The following FRMPD4 variants were observed in gnomAD, a reference collection of about 807,000 sequenced individuals.
FRMPD4 encodes FERM and PDZ domain containing 4, also known as FERM and PDZ domain-containing protein 4.
In FRMPD4, 22 loss-of-function variants were observed where a neutral mutation model predicts 94.1. The ratio of observed to expected loss-of-function variants is 0.23; its 90% CI spans 0.17 to 0.33. The LOEUF (loss-of-function observed/expected upper bound fraction) is 0.33, where lower values mean the gene tolerates loss of function less well. Among genes scored for constraint, FRMPD4 ranks in the 10% least tolerant of loss-of-function variants. The pLI, the probability that FRMPD4 is intolerant of heterozygous loss-of-function variation, is 1.00. For missense variants in FRMPD4, 1,111 were observed against 1,339.9 expected (o/e 0.83, Z 2.67); for synonymous variants, 631 against 548.6 (o/e 1.15, Z -2.10).
intron 1 of FRMPD4, among the ~76,000 whole-genome samples, chrX:11,827,077 TATATATATAA>T (rs1273535784): frequency 3.0e-5 from 3 of 98,885 alleles, no homozygotes; most frequent in African/African-American, 3.8e-5. Context: ...TATATATATA[TATATATATAA>T]AATATATATG....
chrX:11,877,222 A>G (rs1475147157), intron 2 of FRMPD4, among the ~76,000 whole-genome samples: 1 of 112,122 alleles, frequency 8.9e-6, no homozygotes, highest in African/African-American at 3.2e-5. Flanking sequence ...ACTTTCAAAT[A>G]GCTTTAAGGT....
Position 12,140,694 on chromosome X carries a change from AG to A in FRMPD4, c.41+1684del, listed in dbSNP as rs779733272. On this transcript the variant is annotated intron_variant, in intron 1 of 16. Transcript: ENST00000675598. ...GAGCCTCGATTTAGTCCTTAAACTT[AG>A]GAACTTTGGAGAGGACAGTGTCATG... 3.6e-5 allele frequency among the ~76,000 whole-genome samples: 4 copies of A among 112,670 alleles called. No homozygotes were observed. The East Asian group carries it at 1.1e-3, about 31-fold the overall frequency.
intron 1 of FRMPD4, among the ~76,000 whole-genome samples, chrX:11,845,814 T>C (rs1297985429): frequency 1.8e-5 from 2 of 108,624 alleles, no homozygotes; most frequent in Non-Finnish European, 3.8e-5. Flanking sequence ...AAAAGGCCTT[T>C]GACAAAATTC....
At chrX:11,839,539 T>C (rs2053521416) in intron 1 of FRMPD4, among the ~76,000 whole-genome samples, 1 of 111,618 alleles carries the variant, frequency 9.0e-6, no homozygotes, top group Admixed American at 9.6e-5. Context: ...TTCTTTTCTG[T>C]GGTTTGTGTT....
At chrX:12,417,733 G>C (rs2056824170) in intron 1 of FRMPD4, among the ~76,000 whole-genome samples, 1 of 108,919 alleles carries the variant, frequency 9.2e-6, no homozygotes, top group South Asian at 3.9e-4. Context: ...GTTCTGGCCA[G>C]GCACGGTGGC....
intron 3 of FRMPD4, among the ~76,000 whole-genome samples, chrX:11,999,838 G>T (rs1379946139): frequency 9.0e-6 from 1 of 111,602 alleles, no homozygotes; most frequent in Non-Finnish European, 1.9e-5. Flanking sequence ...TTCACAGAAT[G>T]ATTATGAACA....
intron 3 of FRMPD4, among the ~76,000 whole-genome samples, chrX:11,972,674 T>C (rs891165370): frequency 8.9e-6 from 1 of 112,254 alleles, no homozygotes. Context: ...GACAAATGGG[T>C]CTTATAGAAT....
chrX:12,338,088 G>A (rs769182103), intron 1 of FRMPD4, among the ~76,000 whole-genome samples: 1 of 112,054 alleles, frequency 8.9e-6, no homozygotes, highest in Admixed American at 9.4e-5. Flanking sequence ...ATGAAGGGGA[G>A]CTTCCTTCAA....
intron 1 of FRMPD4, among the ~76,000 whole-genome samples, chrX:12,334,338 G>C (rs1009624175): frequency 1.8e-5 from 2 of 111,098 alleles, no homozygotes; most frequent in Admixed American, 9.6e-5. Context: ...TCTCGGATTC[G>C]TGTCAGGGCC....
chrX:12,594,505 G>T (rs954061036), intron 2 of FRMPD4, among the ~76,000 whole-genome samples: 1 of 109,906 alleles, frequency 9.1e-6, no homozygotes, highest in Admixed American at 9.6e-5. Context: ...GCGGGGTCTC[G>T]GCTCACTGCA....
chrX:11,910,430 T>C (rs1269361465), intron 3 of FRMPD4, among the ~76,000 whole-genome samples: 1 of 112,123 alleles, frequency 8.9e-6, no homozygotes, highest in African/African-American at 3.2e-5. Flanking sequence ...ACAGCATTTT[T>C]TTTTCTGGAG....
intron 3 of FRMPD4, among the ~76,000 whole-genome samples, chrX:11,964,589 T>C (rs1414643453): frequency 8.9e-6 from 1 of 112,077 alleles, no homozygotes; most frequent in East Asian, 2.8e-4. Context: ...CTTACAAATC[T>C]CTAGACCCTT....
At chrX:12,438,433 A>T (rs1274766435) in intron 1 of FRMPD4, among the ~76,000 whole-genome samples, 3 of 108,950 alleles carry the variant, frequency 2.8e-5, no homozygotes, top group African/African-American at 1.0e-4. Context: ...CTCTTACTGA[A>T]AAGACAGTGT....
At chrX:12,471,922 T>C (rs758167746) in intron 1 of FRMPD4, among the ~76,000 whole-genome samples, 2 of 111,899 alleles carry the variant, frequency 1.8e-5, no homozygotes, top group East Asian at 2.8e-4. Flanking sequence ...TGTGGATATA[T>C]AATGCAACTC....
chrX:11,921,168 A>G (rs1206289472), intron 3 of FRMPD4, among the ~76,000 whole-genome samples: 1 of 112,299 alleles, frequency 8.9e-6, no homozygotes, highest in Non-Finnish European at 1.9e-5. Flanking sequence ...CACAGACTGC[A>G]TGGCTTAAAC....
intron 4 of FRMPD4, among the ~76,000 whole-genome samples, chrX:12,642,284 A>G (rs963881843): frequency 5.4e-5 from 6 of 111,901 alleles, no homozygotes; most frequent in African/African-American, 1.9e-4. Flanking sequence ...ACTGTAAAGC[A>G]TAATGATGGC....
At chrX:12,484,697 T>C (rs1418726458) in intron 1 of FRMPD4, among the ~76,000 whole-genome samples, 2 of 111,655 alleles carry the variant, frequency 1.8e-5, no homozygotes, top group Non-Finnish European at 3.8e-5. Flanking sequence ...GAGCTCCAAG[T>C]TTAGACAAAT....
At chrX:12,512,376 C>A (rs748505150) in intron 2 of FRMPD4, among the ~76,000 whole-genome samples, 32 of 112,117 alleles carry the variant, frequency 2.9e-4, no homozygotes, top group African/African-American at 5.8e-4. Context: ...TCCCTCCCCC[C>A]ACAACCCCCA....
intron 3 of FRMPD4, among the ~76,000 whole-genome samples, chrX:12,082,766 G>C (rs1471250409): frequency 9.0e-6 from 1 of 111,649 alleles, no homozygotes; most frequent in Non-Finnish European, 1.9e-5. Context: ...TTGGGAACTA[G>C]AGCAAAGATG....
Sources: gnomAD v4.1 joint callset for allele counts (sites outside exome capture counted in the v4.1 genomes callset) on GRCh38, gnomAD v4.1.1 for gene constraint, MANE v1.5 for transcripts, NCBI Gene and HGNC (gene_info 2026-07-23, HGNC 2026-07-21) for gene names.